FBLN2: variants seen among roughly 807,000 people sequenced by gnomAD.
FBLN2 encodes fibulin 2.
In FBLN2, 81 loss-of-function variants were observed where a neutral mutation model predicts 123.7. The observed-to-expected ratio is 0.65, with a 90% CI of 0.55 to 0.79. FBLN2 has a LOEUF of 0.79. Ranked by LOEUF, FBLN2 falls within the 30% of genes least tolerant of loss-of-function variation. FBLN2 has a pLI of 0.00. For synonymous variants in FBLN2, 699 were observed against 701.4 expected, an observed-to-expected ratio of 1.00 and a Z score of 0.05; for missense variants, 1,603 against 1,681.3, an observed-to-expected ratio of 0.95 and a Z score of 0.81.
chr3:13,597,578 G>A (rs1410010856), intron 2 of FBLN2, among the ~76,000 whole-genome samples: 2 of 152,210 alleles, frequency 1.3e-5, no homozygotes, highest in Non-Finnish European at 2.9e-5. Flanking sequence ...GTTATTGCAC[G>A]TGGTGGCAGT....
chr3:13,619,516 C>A (rs575889004), intron 7 of FBLN2, among the ~76,000 whole-genome samples: 1 of 152,254 alleles, frequency 6.6e-6, no homozygotes, highest in East Asian at 1.9e-4. Context: ...AGACCCAGAA[C>A]GTCGTCCCCG....
At chr3:13,575,814 C>G (rs533683987) in intron 2 of FBLN2, among the ~76,000 whole-genome samples, 13 of 152,274 alleles carry the variant, frequency 8.5e-5, no homozygotes, top group Non-Finnish European at 1.6e-4. Context: ...ACACTCCACC[C>G]ACAACATGCA....
intron 5 of FBLN2, among the ~76,000 whole-genome samples, chr3:13,617,427 T>C: frequency 6.9e-6 from 1 of 144,016 alleles, no homozygotes; most frequent in Non-Finnish European, 1.5e-5. Context: ...TCCATTCATC[T>C]ACCCATCCAT....
At chr3:13,569,120 G>A (rs375569487) in intron 1 of FBLN2, 24 of 936,944 alleles carry the variant, frequency 2.6e-5, no homozygotes, top group Non-Finnish European at 2.9e-5. Flanking sequence ...CAGGCACTGG[G>A]GACTTGGGCC....
At chr3:13,599,028 G>T (rs1000670660) in intron 2 of FBLN2, among the ~76,000 whole-genome samples, 1 of 152,210 alleles carries the variant, frequency 6.6e-6, no homozygotes, top group African/African-American at 2.4e-5. Flanking sequence ...GGTGTATGTG[G>T]CTGGGAGCTG....
At chr3:13,565,091 C>T (rs1703704477) in intron 1 of FBLN2, among the ~76,000 whole-genome samples, 1 of 152,226 alleles carries the variant, frequency 6.6e-6, no homozygotes, top group African/African-American at 2.4e-5. Flanking sequence ...AGTCACCTGT[C>T]CCTGCTGGAC....
intron 1 of FBLN2, among the ~76,000 whole-genome samples, chr3:13,554,472 C>G (rs374223544): frequency 1.3e-5 from 2 of 152,260 alleles, no homozygotes; most frequent in East Asian, 3.8e-4. Flanking sequence ...AAAATGAAAA[C>G]ACATCGTCAA....
intron 10 of FBLN2, among the ~76,000 whole-genome samples, 180 bp from the exon 11 acceptor site, chr3:13,627,652 G>A (rs1040827957): frequency 4.6e-5 from 7 of 152,224 alleles, no homozygotes; most frequent in African/African-American, 1.2e-4. Context: ...ACATGGTCAC[G>A]TTGTTATTAC....
intron 13 of FBLN2, among the ~76,000 whole-genome samples, chr3:13,629,514 G>A (rs111698819): frequency 1.7e-4 from 24 of 143,010 alleles, no homozygotes; most frequent in African/African-American, 5.8e-4. Context: ...TCTCATCTCT[G>A]TGCCTCTGCC....
At chr3:13,627,785 G>A (rs1188006611) in intron 10 of FBLN2, 47 bp from the exon 11 acceptor site, 1 of 1,577,646 alleles carries the variant, frequency 6.3e-7, no homozygotes. Flanking sequence ...TGAGTGTAAA[G>A]GCAGGACCTG....
At chr3:13,628,394 A>G (rs1706125017) in intron 11 of FBLN2, among the ~76,000 whole-genome samples, 1 of 152,036 alleles carries the variant, frequency 6.6e-6, no homozygotes, top group African/African-American at 2.4e-5. Flanking sequence ...GAAATTTCCC[A>G]TTTTCAGAGA....
intron 2 of FBLN2, among the ~76,000 whole-genome samples, chr3:13,589,405 G>A (rs564978568): frequency 6.6e-6 from 1 of 152,152 alleles, no homozygotes; most frequent in South Asian, 2.1e-4. Context: ...CCATGTTGTT[G>A]AAGCCCACCA....
rs554812522 is a variant in FBLN2 at position 13,564,400 on chromosome 3, A to T, written c.-41-5915A>T. Among the ~76,000 whole-genome samples the T allele has an allele frequency of 4.6e-5, 7 of 152,268 alleles. No individual in the cohort carries two copies. In the South Asian group the frequency reaches 1.5e-3, roughly 32 times the overall value. ...TTTTTAAAAGAGATCCCCTGCAAATATTTAAAAAATTTTAAAGCCATACTG... is the reference window on the plus strand; with the variant it reads ...TTTTTAAAAGAGATCCCCTGCAAATTTTTAAAAAATTTTAAAGCCATACTG... On this transcript the variant is annotated intron_variant, in intron 1 of 17. Coordinates refer to ENST00000404922, the MANE Select transcript of FBLN2 (RefSeq NM_001004019.2).
chr3:13,619,903 G>A, intron 8 of FBLN2, 72 bp downstream of exon 8: 2 of 1,244,520 alleles, frequency 1.6e-6, no homozygotes, highest in South Asian at 1.4e-5. Context: ...CCAGGTGGGG[G>A]TGGCTGAGAC....
At position 13,559,255 on chromosome 3, in the gene FBLN2, A is replaced by AGGGG. The variant is rs35502398; in HGVS notation, c.-42+10048_-42+10051dup. Among the ~76,000 whole-genome samples, 10 of 151,828 alleles carry AGGGG rather than the reference A, an allele frequency of 6.6e-5. No individual in the cohort carries two copies. In the East Asian group the frequency reaches 9.7e-4, roughly 15 times the overall value. On this transcript the variant is annotated intron_variant, in intron 1 of 17. Transcript: ENST00000404922. ...CCTGGTCCAAGTTAGGTTAATCAAA[A>AGGGG]GGGGTTCATGTCATTGTGAAGTTCA...
intron 2 of FBLN2, among the ~76,000 whole-genome samples, chr3:13,591,551 G>A (rs1704675113): frequency 1.3e-5 from 2 of 152,172 alleles, no homozygotes; most frequent in South Asian, 2.1e-4. Context: ...GCCTCCCAAC[G>A]TGCTGGGGTT....
chr3:13,560,064 C>A (rs1345568831), intron 1 of FBLN2, among the ~76,000 whole-genome samples: 1 of 152,148 alleles, frequency 6.6e-6, no homozygotes, highest in African/African-American at 2.4e-5. Flanking sequence ...AAGGAAAATA[C>A]CAGCTCCCTT....
In FBLN2 at chr3:13,619,639, A is replaced by C. The variant is rs1193716098; in HGVS notation, c.2054-91A>C. 4 of 1,022,760 alleles carry C rather than the reference A, an allele frequency of 3.9e-6. No homozygotes were observed. The African/African-American group carries it at 6.5e-5, about 17-fold the overall frequency. 63.4% of individuals were successfully genotyped at this position (1,022,760 alleles called of 1,614,324 possible). A position where few individuals can be genotyped will look rare whatever the true frequency, so the allele number is the denominator to read the frequency against. On this transcript the variant is annotated intron_variant, in intron 7 of 17. Coordinates refer to ENST00000404922, the MANE Select transcript of FBLN2 (RefSeq NM_001004019.2). ...TCTAGGGGCCTTGTTTCTGTGTCTC[A>C]CTAGTAGGTTAGAGCCAGGGATGGG...
intron 9 of FBLN2, 43 bp from the exon 10 acceptor site, chr3:13,626,402 C>T (rs1416127531): frequency 3.9e-6 from 6 of 1,526,958 alleles, no homozygotes; most frequent in Non-Finnish European, 5.3e-6. Flanking sequence ...CAGCCACTGT[C>T]CTGGGGACTC....
Sources: gnomAD v4.1 joint callset for allele counts (sites outside exome capture counted in the v4.1 genomes callset) on GRCh38, gnomAD v4.1.1 for gene constraint, MANE v1.5 for transcripts, NCBI Gene and HGNC (gene_info 2026-07-23, HGNC 2026-07-21) for gene names.